RNF169: variants seen among roughly 807,000 people sequenced by gnomAD.
The protein encoded by RNF169 is E3 ubiquitin-protein ligase RNF169.
RNF169 carries 24 observed loss-of-function variants against 53.9 expected under a neutral mutation model. The ratio of observed to expected loss-of-function variants is 0.45; its 90% CI spans 0.32 to 0.63. The LOEUF (loss-of-function observed/expected upper bound fraction) is 0.63, where lower values mean the gene tolerates loss of function less well. RNF169 is among the 20% of genes least tolerant of loss of function. The pLI is 0.04. For missense variants in RNF169, 883 were observed against 906.2 expected (o/e 0.97, Z 0.33); for synonymous variants, 396 against 363.5 (o/e 1.09, Z -1.02).
intron 1 of RNF169, among the ~76,000 whole-genome samples, chr11:74,779,397 T>C (rs893831721): frequency 6.6e-6 from 1 of 152,210 alleles, no homozygotes; most frequent in Admixed American, 6.5e-5. Context: ...TTTTATTAGC[T>C]CAGTTCAACT....
At chr11:74,759,035 A>G (rs1252588200) in intron 1 of RNF169, among the ~76,000 whole-genome samples, 1 of 150,240 alleles carries the variant, frequency 6.7e-6, no homozygotes, top group East Asian at 1.9e-4. Context: ...ATCCCTTGTA[A>G]GTTGGATTCC....
rs769488617 is a variant in RNF169, at chr11:74,840,019, C to T, written c.*3289C>T. 4.6e-5 allele frequency: 7 copies of T among 151,202 alleles called. No homozygotes were observed. The highest frequency in any genetic ancestry group is 7.4e-5 in the Non-Finnish European group (5 of 67,872). 9.4% of individuals were successfully genotyped at this position (151,202 alleles called of 1,614,324 possible). ...AATGTTTTATTTTTTGTTCATTTTCCCTAAAGGAAAAATGTCCTTAAGAGA... is the reference window on the plus strand; with the variant it reads ...AATGTTTTATTTTTTGTTCATTTTCTCTAAAGGAAAAATGTCCTTAAGAGA... On this transcript the variant is annotated 3_prime_UTR_variant, in exon 6 of 6. Transcript: ENST00000299563.
At chr11:74,826,559 G>C (rs1229132496) in intron 4 of RNF169, among the ~76,000 whole-genome samples, 1 of 152,104 alleles carries the variant, frequency 6.6e-6, no homozygotes, top group Non-Finnish European at 1.5e-5. Flanking sequence ...ACACAATCAA[G>C]CCTTTCCAAC....
At chr11:74,802,363 A>G (rs1311756067) in intron 2 of RNF169, among the ~76,000 whole-genome samples, 1 of 152,214 alleles carries the variant, frequency 6.6e-6, no homozygotes, top group Non-Finnish European at 1.5e-5. Context: ...CAGTTAGTCC[A>G]GGCTGGGCGT....
chr11:74,822,682 T>A (rs1322504364), intron 4 of RNF169, among the ~76,000 whole-genome samples: 1 of 151,880 alleles, frequency 6.6e-6, no homozygotes, highest in Non-Finnish European at 1.5e-5. Context: ...TGTCTATGAA[T>A]TGGGGATGAT....
chr11:74,765,487 AAATTT>A (rs1187153637), intron 1 of RNF169, among the ~76,000 whole-genome samples: 2 of 152,152 alleles, frequency 1.3e-5, no homozygotes, highest in Admixed American at 6.5e-5. Context: ...GAAAAAAACA[AAATTT>A]AAATAACGTG....
chr11:74,833,939 A>G (rs1194023474), intron 4 of RNF169, among the ~76,000 whole-genome samples: 4 of 152,190 alleles, frequency 2.6e-5, no homozygotes, highest in Non-Finnish European at 5.9e-5. Context: ...TTAACTCAAA[A>G]TGGACCAAAG....
intron 1 of RNF169, among the ~76,000 whole-genome samples, chr11:74,774,261 G>A (rs757321090): frequency 7.3e-5 from 11 of 151,634 alleles, no homozygotes; most frequent in African/African-American, 1.9e-4. Context: ...CAGCAGGATC[G>A]CTTGAACCCA....
chr11:74,771,923 G>A (rs1938775), intron 1 of RNF169, among the ~76,000 whole-genome samples: 16,050 of 152,002 alleles, frequency 0.11, 1,172 homozygotes, highest in Non-Finnish European at 0.15. Context: ...AATCAATTTC[G>A]TATTTAGACT....
chr11:74,750,981 T>G (rs1265345993), intron 1 of RNF169, among the ~76,000 whole-genome samples: 1 of 149,820 alleles, frequency 6.7e-6, no homozygotes, highest in East Asian at 2.0e-4. Flanking sequence ...TTCAAGCGAT[T>G]CTCCTGCCTC....
chr11:74,797,053 T>C (rs1191818517), intron 2 of RNF169, among the ~76,000 whole-genome samples: 3 of 152,152 alleles, frequency 2.0e-5, no homozygotes, highest in Non-Finnish European at 4.4e-5. Context: ...TTCTCCCCAT[T>C]GTGGGCTGAA....
At chr11:74,815,141 A>G (rs1428177536) in intron 3 of RNF169, among the ~76,000 whole-genome samples, 1 of 152,042 alleles carries the variant, frequency 6.6e-6, no homozygotes. Context: ...CTTGGGGCTT[A>G]TTTTTATCAA....
chr11:74,797,125 T>C (rs1049807627), intron 2 of RNF169, among the ~76,000 whole-genome samples: 8 of 152,222 alleles, frequency 5.3e-5, no homozygotes, highest in African/African-American at 1.4e-4. Context: ...TAGTCAGATA[T>C]AGTCAATGGG....
intron 1 of RNF169, among the ~76,000 whole-genome samples, chr11:74,766,215 A>G (rs1333483535): frequency 6.6e-6 from 1 of 152,230 alleles, no homozygotes; most frequent in African/African-American, 2.4e-5. Context: ...ATGACTAGAA[A>G]TGTAACTAAT....
intron 1 of RNF169, among the ~76,000 whole-genome samples, chr11:74,771,547 T>TA (rs34953195): frequency 0.26 from 39,971 of 151,588 alleles, 5,512 homozygotes; most frequent in South Asian, 0.42. Context: ...TCTACAAAAG[T>TA]AAAAAAATTA....
intron 1 of RNF169, among the ~76,000 whole-genome samples, chr11:74,750,095 T>G (rs1304600414): frequency 6.6e-6 from 1 of 152,146 alleles, no homozygotes; most frequent in Non-Finnish European, 1.5e-5. Context: ...CTTGGCAGTA[T>G]GGGTTTCCTA....
rs543543132 is a variant in RNF169, at chr11:74,749,002, C to T, written c.122C>T (p.Pro41Leu). Reference protein sequence around the residue: ...TAAAKTGAPGPASGPSLLVLS... With the variant: ...TAAAKTGAPGLASGPSLLVLS... ...GCAGCTAAGACTGGGGCCCCAGGCCCGGCTTCTGGACCTTCGCTGTTGGTG... is the reference window on the plus strand; with the variant it reads ...GCAGCTAAGACTGGGGCCCCAGGCCTGGCTTCTGGACCTTCGCTGTTGGTG... Residue 41 changes from proline to leucine, a missense_variant, in exon 1 of 6, where the codon CCG becomes CTG. Pro to Leu is a moderately conservative substitution (Grantham distance 98). Coordinates refer to ENST00000299563, the MANE Select transcript of RNF169 (RefSeq NM_001098638.2). The T allele has an allele frequency of 2.8e-5, 42 of 1,499,242 alleles. No homozygotes were observed. Among genetic ancestry groups the T allele is most frequent in the Admixed American group, 2.1e-5 (1 of 47,070 alleles). The allele number at this position is 1,499,242 out of a possible 1,614,324, so 92.9% of individuals were successfully genotyped here.
In RNF169 at chr11:74,840,789, T is replaced by C. The variant is rs2036408209; in HGVS notation, c.*4059T>C. On this transcript the variant is annotated 3_prime_UTR_variant, in exon 6 of 6. Coordinates refer to ENST00000299563, the MANE Select transcript of RNF169 (RefSeq NM_001098638.2). ...TTCTTCTCTGCCCCCCGCCCCCACT[T>C]TTTTTTTTTTTTTTTTTTAACCAAA... 1 of 40,484 alleles carries C rather than the reference T, an allele frequency of 2.5e-5. No individual in the cohort carries two copies. The highest frequency in any genetic ancestry group is 4.4e-5 in the Non-Finnish European group (1 of 22,834). The allele number at this position is 40,484 out of a possible 1,614,324, so 2.5% of individuals were successfully genotyped here.
At position 74,837,333 on chromosome 11, in the gene RNF169, T is replaced by C. The variant is rs2036272461; in HGVS notation, c.*603T>C. 6.6e-6 allele frequency: 1 copy of C among 152,252 alleles called. No individual in the cohort carries two copies. The highest frequency in any genetic ancestry group is 6.5e-5 in the Admixed American group (1 of 15,290). 9.4% of individuals were successfully genotyped at this position (152,252 alleles called of 1,614,324 possible). A position where few individuals can be genotyped will look rare whatever the true frequency, so the allele number is the denominator to read the frequency against. ...GAGCACATTTACAGACCTTATTAAT[T>C]TAGTCTTTCCAAGAGACCTCTCATG... On this transcript the variant is annotated 3_prime_UTR_variant, in exon 6 of 6. Coordinates refer to ENST00000299563, the MANE Select transcript of RNF169 (RefSeq NM_001098638.2).
Sources: allele counts gnomAD v4.1 joint callset (sites outside exome capture counted in the v4.1 genomes callset), GRCh38; gene constraint gnomAD v4.1.1; transcripts MANE v1.5; gene names NCBI Gene and HGNC (gene_info 2026-07-23, HGNC 2026-07-21).